Variants in PCSK5 observed in about 807,000 individuals in gnomAD.
PCSK5 encodes the protein prohormone convertase 5.
PCSK5 carries 129 observed loss-of-function variants against 233.2 expected under a neutral mutation model. The ratio of observed to expected loss-of-function variants is 0.55; its 90% CI spans 0.48 to 0.64. The LOEUF is 0.64. PCSK5 is among the 30% of genes least tolerant of loss of function. The probability of loss-of-function intolerance (pLI) is 0.00; values close to 1 mark genes in which losing one functional copy is unlikely to be tolerated. For missense variants in PCSK5, 2,076 were observed against 2,430.1 expected (o/e 0.85, Z 3.06); for synonymous variants, 825 against 879.2 (o/e 0.94, Z 1.09).
At chr9:76,146,770 A>G (rs1823459254) in intron 10 of PCSK5, among the ~76,000 whole-genome samples, 1 of 152,162 alleles carries the variant, frequency 6.6e-6, no homozygotes, top group African/African-American at 2.4e-5. Flanking sequence ...ATGGATAAAT[A>G]TATAGTAGAA....
In PCSK5 at chr9:76,284,615, C is replaced by A. The variant is rs112597807; in HGVS notation, c.3143-7618C>A. Among the ~76,000 whole-genome samples, 515 of 150,288 alleles carry A rather than the reference C, an allele frequency of 3.4e-3. 3 individuals are homozygous for A. Among genetic ancestry groups the A allele is most frequent in the African/African-American group, 0.012 (481 of 40,974 alleles). ...TGGCGCGATCTCAGCTCACTGCAAC[C>A]TCCGCCTCCTGGGTTCAAGTGATTC... On this transcript the variant is annotated intron_variant, in intron 24 of 37. Transcript: ENST00000674117.
At chr9:76,123,140 G>C (rs938240243) in intron 9 of PCSK5, among the ~76,000 whole-genome samples, 8 of 151,970 alleles carry the variant, frequency 5.3e-5, no homozygotes, top group Admixed American at 5.2e-4. Context: ...CACTGCGCCC[G>C]GCCTACTTTT....
At chr9:76,303,997 C>T (rs973552659) in intron 28 of PCSK5, among the ~76,000 whole-genome samples, 2 of 152,128 alleles carry the variant, frequency 1.3e-5, no homozygotes, top group Admixed American at 6.5e-5. Context: ...AATGGTGAAA[C>T]CCCATCTTTA....
intron 1 of PCSK5, among the ~76,000 whole-genome samples, chr9:75,916,631 G>C (rs1036162804): frequency 6.6e-6 from 1 of 152,112 alleles, no homozygotes; most frequent in South Asian, 2.1e-4. Context: ...GGCAGATGGG[G>C]CAGCAAGTGC....
chr9:76,094,475 A>G (rs1831424521), intron 7 of PCSK5, among the ~76,000 whole-genome samples: 1 of 152,200 alleles, frequency 6.6e-6, no homozygotes, highest in Non-Finnish European at 1.5e-5. Context: ...AGCTGCAGCT[A>G]TTCCCAGAAA....
intron 5 of PCSK5, among the ~76,000 whole-genome samples, chr9:76,061,352 A>G (rs939957564): frequency 2.0e-5 from 3 of 152,216 alleles, no homozygotes; most frequent in African/African-American, 7.2e-5. Context: ...TATTATTGAT[A>G]CCAAAAGATA....
At position 76,292,250 on chromosome 9, in the gene PCSK5, A is replaced by G; in HGVS notation, c.3160A>G (p.Thr1054Ala). The G allele has an allele frequency of 6.3e-7, 1 of 1,579,050 alleles. No homozygotes were observed. ...TTTTCCAGATGATCCAGGAACATGT[A>G]CATCTTGCGCTATGGGGTATTACAG... Reference protein sequence around the residue: ...GCSLDDPGTCTSCAMGYYRFD... With the variant: ...GCSLDDPGTCASCAMGYYRFD... The change falls in exon 25 of 38, where the codon ACA becomes GCA. Residue 1054 changes from threonine to alanine, a missense_variant. Around this residue, in one of 6 missense-constraint regions of PCSK5, gnomAD observed 1,510 missense variants for 1,538.1 expected, o/e 0.98. Transcript: ENST00000674117.
At chr9:75,974,801 A>G (rs1410390046) in intron 2 of PCSK5, among the ~76,000 whole-genome samples, 5 of 152,172 alleles carry the variant, frequency 3.3e-5, no homozygotes, top group Admixed American at 2.0e-4. Context: ...TTATTTATTT[A>G]TGTATTTTGA....
rs751094478 is a variant in PCSK5 at position 76,179,715 on chromosome 9, G to A, written c.2003+17G>A. On this transcript the variant is annotated intron_variant, in intron 15 of 37. Coordinates refer to ENST00000674117, the MANE Select transcript of PCSK5 (RefSeq NM_001372043.1). ...CAATACCAGGTAAGAGAGGTGCCAA[G>A]TCACATCCCCACAGCATGTGCCAGG... 6.5e-7 allele frequency: 1 copy of A among 1,538,836 alleles called. No homozygotes were observed. Among genetic ancestry groups the A allele is most frequent in the South Asian group, 1.1e-5 (1 of 89,632 alleles).
At chr9:76,031,813 A>G (rs774611741) in intron 5 of PCSK5, among the ~76,000 whole-genome samples, 2 of 152,246 alleles carry the variant, frequency 1.3e-5, no homozygotes, top group Admixed American at 6.5e-5. Context: ...TTCTATTCAT[A>G]TATCTAATTC....
intron 24 of PCSK5, among the ~76,000 whole-genome samples, chr9:76,268,492 G>A (rs1405747128): frequency 6.6e-6 from 1 of 151,262 alleles, no homozygotes; most frequent in African/African-American, 2.4e-5. Context: ...CTCATTACCT[G>A]GTGTGTACCC....
intron 1 of PCSK5, among the ~76,000 whole-genome samples, chr9:75,891,904 G>C (rs1221119746): frequency 2.0e-5 from 3 of 152,102 alleles, no homozygotes; most frequent in African/African-American, 7.2e-5. Context: ...GGAGGCGCGG[G>C]GACTGGAGCT....
At chr9:76,106,313 T>C (rs2131677673) in intron 8 of PCSK5, among the ~76,000 whole-genome samples, 1 of 152,342 alleles carries the variant, frequency 6.6e-6, no homozygotes, top group East Asian at 1.9e-4. Context: ...AATGGATTCT[T>C]GTCCAAGAGG....
chr9:76,118,177 T>C (rs1370798894), intron 9 of PCSK5, among the ~76,000 whole-genome samples: 1 of 152,048 alleles, frequency 6.6e-6, no homozygotes, highest in Admixed American at 6.6e-5. Context: ...GTCTGAGGAA[T>C]CGTAACATTG....
Position 76,107,264 on chromosome 9 carries a change from T to C in PCSK5, c.1121T>C (p.Leu374Pro). 1 of 1,612,818 alleles carries C rather than the reference T, an allele frequency of 6.2e-7. No individual in the cohort carries two copies. The highest frequency in any genetic ancestry group is 8.5e-7 in the Non-Finnish European group (1 of 1,179,006). The change falls in exon 9 of 38, where the codon CTG (leucine) becomes CCG (proline). Residue 374 changes from leucine (L) to proline (P), a missense_variant. Physicochemically the swap from Leu to Pro is moderately conservative, Grantham distance 98. Coordinates refer to ENST00000674117, the MANE Select transcript of PCSK5 (RefSeq NM_001372043.1). Reference protein sequence around the residue: ...SYDKKIITTDLRQRCTDNHTG... With the variant: ...SYDKKIITTDPRQRCTDNHTG... Reference sequence around the variant, plus strand: ...TTTGTTTTCCAGATCACTACAGATCTGAGGCAGCGTTGCACGGACAACCAC... The same window carrying C: ...TTTGTTTTCCAGATCACTACAGATCCGAGGCAGCGTTGCACGGACAACCAC...
chr9:76,089,300 G>C (rs182186978), intron 7 of PCSK5, among the ~76,000 whole-genome samples: 1 of 152,204 alleles, frequency 6.6e-6, no homozygotes, highest in Non-Finnish European at 1.5e-5. Context: ...TATTGAGGCG[G>C]TGCTTGCGAG....
chr9:76,161,147 C>T (rs1470518814), intron 12 of PCSK5, among the ~76,000 whole-genome samples: 2 of 152,180 alleles, frequency 1.3e-5, no homozygotes, highest in Non-Finnish European at 2.9e-5. Context: ...CTGACGTCTT[C>T]CATTAGTGTA....
At chr9:76,072,048 A>G (rs556222066) in intron 7 of PCSK5, 150 bp downstream of exon 7, 3 of 649,118 alleles carry the variant, frequency 4.6e-6, no homozygotes, top group South Asian at 5.7e-5. Flanking sequence ...GGTGGTGAAC[A>G]TTTGGGATTG....
At chr9:76,254,686 C>A (rs1826920962) in intron 24 of PCSK5, among the ~76,000 whole-genome samples, 1 of 152,166 alleles carries the variant, frequency 6.6e-6, no homozygotes, top group South Asian at 2.1e-4. Context: ...CCTTTGTTTG[C>A]TGCCTAAAAA....
Sources: gnomAD v4.1 joint callset for allele counts (sites outside exome capture counted in the v4.1 genomes callset) on GRCh38, gnomAD v4.1.1 for gene constraint, gnomAD v4.1.1 regional missense constraint, MANE v1.5 for transcripts, NCBI Gene and HGNC (gene_info 2026-07-23, HGNC 2026-07-21) for gene names.